C8orf34: variants seen among roughly 807,000 people sequenced by gnomAD.
C8orf34 encodes the protein uncharacterized protein C8orf34.
In C8orf34, 65 loss-of-function variants were observed where a neutral mutation model predicts 68.3. The ratio of observed to expected loss-of-function variants is 0.95; its 90% CI spans 0.78 to 1.17. The LOEUF (loss-of-function observed/expected upper bound fraction) is 1.17, where lower values mean the gene tolerates loss of function less well. Among genes scored for constraint, C8orf34 ranks in the 50% most tolerant of loss-of-function variants. The probability of loss-of-function intolerance (pLI) is 0.00; values close to 1 mark genes in which losing one functional copy is unlikely to be tolerated. For missense variants in C8orf34, 664 were observed against 655.4 expected (o/e 1.01, Z -0.14); for synonymous variants, 244 against 241.2 (o/e 1.01, Z -0.11).
intron 10 of C8orf34, among the ~76,000 whole-genome samples, chr8:68,741,796 C>G (rs1225434100): frequency 1.3e-5 from 2 of 152,176 alleles, no homozygotes; most frequent in African/African-American, 2.4e-5. Flanking sequence ...TTGTAAATGA[C>G]TGGATCTCAT....
chr8:68,585,875 A>G (rs1033119350), intron 7 of C8orf34, among the ~76,000 whole-genome samples: 2 of 152,076 alleles, frequency 1.3e-5, no homozygotes, highest in Non-Finnish European at 2.9e-5. Context: ...GGAGGCCACA[A>G]TGTCTTTTAT....
chr8:68,567,506 C>T (rs1307687516), intron 7 of C8orf34, among the ~76,000 whole-genome samples: 1 of 142,686 alleles, frequency 7.0e-6, no homozygotes, highest in Admixed American at 7.0e-5. Context: ...TTTGAATTTT[C>T]TCCCTTCTTT....
At chr8:68,602,876 T>C (rs146551405) in intron 7 of C8orf34, among the ~76,000 whole-genome samples, 4,095 of 152,192 alleles carry the variant, frequency 0.027, 80 homozygotes, top group Non-Finnish European at 0.04. Flanking sequence ...TTGCCCCCCA[T>C]GTTTTCTGTT....
intron 7 of C8orf34, among the ~76,000 whole-genome samples, chr8:68,632,844 C>G (rs561179338): frequency 1.3e-5 from 2 of 152,118 alleles, no homozygotes; most frequent in Non-Finnish European, 2.9e-5. Flanking sequence ...GTGCAAAAGA[C>G]GAGAGTTCAG....
At chr8:68,615,860 G>T (rs1166197131) in intron 7 of C8orf34, among the ~76,000 whole-genome samples, 2 of 151,588 alleles carry the variant, frequency 1.3e-5, no homozygotes, top group Non-Finnish European at 2.9e-5. Context: ...GTTTCAGAAG[G>T]AATGGTACCA....
At chr8:68,644,092 A>T (rs1819094634) in intron 8 of C8orf34, among the ~76,000 whole-genome samples, 1 of 152,214 alleles carries the variant, frequency 6.6e-6, no homozygotes, top group Admixed American at 6.5e-5. Flanking sequence ...TGGTAAGTGA[A>T]TCTATGAAAT....
At chr8:68,750,469 T>C (rs898852242) in intron 10 of C8orf34, among the ~76,000 whole-genome samples, 1 of 151,986 alleles carries the variant, frequency 6.6e-6, no homozygotes, top group Non-Finnish European at 1.5e-5. Context: ...AAAAGGGAAG[T>C]GAGTATTTAA....
intron 1 of C8orf34, among the ~76,000 whole-genome samples, chr8:68,348,885 A>G (rs551516878): frequency 6.6e-6 from 1 of 151,940 alleles, no homozygotes; most frequent in South Asian, 2.1e-4. Context: ...ATGGCATTTT[A>G]TAGATATAGA....
chr8:68,480,060 T>C (rs1812793292), intron 4 of C8orf34, among the ~76,000 whole-genome samples: 1 of 152,238 alleles, frequency 6.6e-6, no homozygotes, highest in South Asian at 2.1e-4. Context: ...ACTTTTGTTC[T>C]AGGATAACCA....
chr8:68,620,965 C>T (rs868455974), intron 7 of C8orf34, among the ~76,000 whole-genome samples: 9 of 151,804 alleles, frequency 5.9e-5, no homozygotes, highest in Non-Finnish European at 1.0e-4. Flanking sequence ...TGTTTATATG[C>T]GGAAATAGTG....
intron 7 of C8orf34, among the ~76,000 whole-genome samples, chr8:68,595,053 G>A (rs915126741): frequency 3.3e-5 from 5 of 149,888 alleles, no homozygotes; most frequent in African/African-American, 9.8e-5. Context: ...CCCTTTGAGT[G>A]CCCAACAGCA....
At position 68,810,276 on chromosome 8, in the gene C8orf34, C is replaced by T. The variant is rs545726749; in HGVS notation, c.1550-5610C>T. On this transcript the variant is annotated intron_variant, in intron 12 of 13. Transcript: ENST00000518698. ...TACACACAGCCAGGCATGCTGGCTG[C>T]GGCAGGGCAGGCAGCTCCAGGTGCC... is the stretch of plus-strand genomic sequence containing the variant. 4.1e-4 allele frequency among the ~76,000 whole-genome samples: 62 copies of T among 152,292 alleles called. No individual in the cohort carries two copies. In the Middle Eastern group the frequency reaches 0.01, roughly 25 times the overall value.
At chr8:68,780,447 A>G (rs1823643001) in intron 11 of C8orf34, among the ~76,000 whole-genome samples, 1 of 151,958 alleles carries the variant, frequency 6.6e-6, no homozygotes, top group Non-Finnish European at 1.5e-5. Context: ...AGTCATGTAC[A>G]TTTATTTAAA....
chr8:68,721,636 G>A (rs1263609897), intron 10 of C8orf34, among the ~76,000 whole-genome samples, 199 bp downstream of exon 10: 1 of 151,828 alleles, frequency 6.6e-6, no homozygotes, highest in East Asian at 1.9e-4. Flanking sequence ...GCTTGCTTGT[G>A]CATGTGAGCA....
At chr8:68,332,818 G>GT (rs1805686036) in intron 1 of C8orf34, among the ~76,000 whole-genome samples, 1 of 152,162 alleles carries the variant, frequency 6.6e-6, no homozygotes, top group Non-Finnish European at 1.5e-5. Flanking sequence ...TGCCAAAAAT[G>GT]TTAACAAAGG....
chr8:68,366,385 T>TG (rs1407234528), intron 1 of C8orf34, among the ~76,000 whole-genome samples: 2 of 130,822 alleles, frequency 1.5e-5, no homozygotes, highest in African/African-American at 6.6e-5. Context: ...TTCACAGAAT[T>TG]GAAAAAAACT....
chr8:68,754,059 A>G (rs1205811245), intron 10 of C8orf34, among the ~76,000 whole-genome samples: 2 of 151,842 alleles, frequency 1.3e-5, no homozygotes, highest in Non-Finnish European at 2.9e-5. Context: ...TTTGGTTACC[A>G]TGTTCTTTCA....
chr8:68,598,630 G>A (rs952783526), intron 7 of C8orf34, among the ~76,000 whole-genome samples: 8 of 152,112 alleles, frequency 5.3e-5, no homozygotes, highest in Non-Finnish European at 5.9e-5. Flanking sequence ...TAAGAAGACC[G>A]TTCGTTGAAT....
chr8:68,405,584 T>C (rs1809158212), intron 1 of C8orf34, among the ~76,000 whole-genome samples: 1 of 152,172 alleles, frequency 6.6e-6, no homozygotes, highest in Non-Finnish European at 1.5e-5. Flanking sequence ...ACTTATGTCT[T>C]ATATCGGACA....
Sources: allele counts gnomAD v4.1 joint callset (sites outside exome capture counted in the v4.1 genomes callset), GRCh38; gene constraint gnomAD v4.1.1; transcripts MANE v1.5; gene names NCBI Gene and HGNC (gene_info 2026-07-23, HGNC 2026-07-21).